The following MAP2K2 variants were observed in gnomAD, a reference collection of about 807,000 sequenced individuals.
MAP2K2 encodes dual specificity mitogen-activated protein kinase kinase 2.
In MAP2K2, 24 loss-of-function variants were observed where a neutral mutation model predicts 43.7. That is an observed-to-expected ratio of 0.55 (90% CI 0.40 to 0.77). The LOEUF is 0.77. MAP2K2 is among the 30% of genes least tolerant of loss of function. The pLI is 0.00. For synonymous variants in MAP2K2, 244 were observed against 239.7 expected, an observed-to-expected ratio of 1.02 and a Z score of -0.17; for missense variants, 470 against 566.8, an observed-to-expected ratio of 0.83 and a Z score of 1.73.
chr19:4,112,767 T>A (rs2041170890), intron 2 of MAP2K2, among the ~76,000 whole-genome samples: 1 of 152,148 alleles, frequency 6.6e-6, no homozygotes, highest in Non-Finnish European at 1.5e-5. Context: ...CACTCCCTCA[T>A]GGTGACCCCA....
intron 3 of MAP2K2, 96 bp from the exon 4 acceptor site, chr19:4,102,549 C>T (rs934040425): frequency 3.8e-6 from 4 of 1,050,710 alleles, no homozygotes; most frequent in Non-Finnish European, 5.7e-6. Context: ...TGGTCTGCCT[C>T]CTGACGGGAA....
At chr19:4,117,672 C>G (rs778907856) in intron 1 of MAP2K2, 43 bp from the exon 2 acceptor site, 1 of 1,579,726 alleles carries the variant, frequency 6.3e-7, no homozygotes, top group Non-Finnish European at 8.7e-7. Flanking sequence ...CCTAGGGAGA[C>G]TCCATCTGGC....
intron 3 of MAP2K2, 144 bp downstream of exon 3, chr19:4,110,365 G>C: frequency 1.1e-6 from 1 of 949,856 alleles, no homozygotes; most frequent in South Asian, 1.4e-5. Context: ...ATACTTGTAT[G>C]GCATCGACTG....
intron 2 of MAP2K2, among the ~76,000 whole-genome samples, chr19:4,116,550 T>G (rs2041223314): frequency 6.6e-6 from 1 of 151,550 alleles, no homozygotes; most frequent in African/African-American, 2.4e-5. Flanking sequence ...CAAGTATCAT[T>G]AAGGACAGGG....
At chr19:4,123,691 C>A (rs2041333365) in intron 1 of MAP2K2, 93 bp downstream of exon 1, 1 of 960,226 alleles carries the variant, frequency 1.0e-6, no homozygotes, top group Non-Finnish European at 1.5e-6. Flanking sequence ...GCCTCGTGCA[C>A]TCCTCGCGAA....
intron 1 of MAP2K2, among the ~76,000 whole-genome samples, chr19:4,117,838 GGACGCTGCCTT>G (rs1308489787): frequency 6.6e-6 from 1 of 152,180 alleles, no homozygotes; most frequent in Non-Finnish European, 1.5e-5. Context: ...CGGGAACTGA[GGACGCTGCCTT>G]GATCCTGTCT....
chr19:4,095,292 G>T, intron 9 of MAP2K2, 96 bp downstream of exon 9: 1 of 1,093,120 alleles, frequency 9.1e-7, no homozygotes, highest in Non-Finnish European at 1.3e-6. Context: ...CTGGGATTCT[G>T]GATGGGCAGG....
intron 1 of MAP2K2, 54 bp from the exon 2 acceptor site, chr19:4,117,683 C>T (rs905474474): frequency 9.0e-6 from 14 of 1,552,446 alleles, no homozygotes; most frequent in South Asian, 2.2e-5. Context: ...TCCATCTGGC[C>T]GTTTGCTATG....
chr19:4,109,005 A>G (rs2041123427), intron 3 of MAP2K2, among the ~76,000 whole-genome samples: 1 of 152,198 alleles, frequency 6.6e-6, no homozygotes. Flanking sequence ...AAGGGGCTCC[A>G]AGGCGGGTGC....
rs375624340 is a variant in MAP2K2, at chr19:4,100,876, G to A, written c.705+143C>T. ...CCTCGTGGGAGGCGGGGAGAGCTGC[G>A]CAGGAGAACTGGGAGGGACAGCTGC... On this transcript the variant is annotated intron_variant, in intron 6 of 10. Transcript: ENST00000262948. 1.9e-5 allele frequency: 18 copies of A among 953,442 alleles called. 1 individual carries two copies. The Middle Eastern group carries it at 9.6e-4, about 51-fold the overall frequency. 59.1% of individuals were successfully genotyped at this position (953,442 alleles called of 1,614,324 possible).
chr19:4,107,246 G>A (rs979319474), intron 3 of MAP2K2, among the ~76,000 whole-genome samples: 12 of 151,996 alleles, frequency 7.9e-5, no homozygotes, highest in Non-Finnish European at 1.6e-4. Context: ...AAAACTTGCC[G>A]GGCGCGGTGG....
chr19:4,095,018 T>A, intron 9 of MAP2K2: 1 of 356,982 alleles, frequency 2.8e-6, no homozygotes, highest in Non-Finnish European at 5.3e-6. Context: ...GGCAGGAGAA[T>A]GGAGTGGGGC....
At position 4,090,667 on chromosome 19, in the gene MAP2K2, A is replaced by G; in HGVS notation, c.1134T>C (p.Asp378=). 1 of 1,560,088 alleles carries G rather than the reference A, an allele frequency of 6.4e-7. No individual in the cohort carries two copies. Among genetic ancestry groups the G allele is most frequent in the Non-Finnish European group, 8.7e-7 (1 of 1,151,868 alleles). The change falls in exon 11 of 11, where the codon GAT becomes GAC. Residue 378 remains aspartate (D), a synonymous_variant. Coordinates refer to ENST00000262948, the MANE Select transcript of MAP2K2 (RefSeq NM_030662.4). ...FIKRSEVEEV[D]FAGWLCKTLR... Reference sequence around the variant, plus strand: ...GGGTTTTACACAACCAGCCGGCAAAATCCACTTCTTCCACCTCGGACCGCT... The same window carrying G: ...GGGTTTTACACAACCAGCCGGCAAAGTCCACTTCTTCCACCTCGGACCGCT...
chr19:4,117,574 G>C lies in MAP2K2; in HGVS notation c.148C>G (p.Gln50Glu), dbSNP rs2145080632. ...AGAAAGGCTTCCAGCCGCTTCTTCT[G>C]CTGCTCGTCAAGTTCCAGCTCCTCC... ...KLEELELDEQ[Q>E]KKRLEAFLTQ... The change falls in exon 2 of 11, where the codon CAG (glutamine) becomes GAG (glutamate). Residue 50 changes from glutamine (Q) to glutamate (E), a missense_variant. By Grantham distance (29) the Gln-to-Glu change is conservative. This residue lies in a region of MAP2K2 where 200 missense variants were observed against 297.9 expected (regional missense o/e 0.67). Transcript: ENST00000262948. 6.2e-7 allele frequency: 1 copy of C among 1,614,170 alleles called. No individual in the cohort carries two copies. The highest frequency in any genetic ancestry group is 2.2e-5 in the East Asian group (1 of 44,890).
intron 6 of MAP2K2, 41 bp from the exon 7 acceptor site, chr19:4,099,455 G>A (rs2040969564): frequency 6.6e-7 from 1 of 1,522,462 alleles, no homozygotes; most frequent in South Asian, 1.2e-5. Flanking sequence ...GAGGGGCGAG[G>A]ATGGCAGCTG....
chr19:4,106,477 C>T (rs1345265202), intron 3 of MAP2K2, among the ~76,000 whole-genome samples: 1 of 152,120 alleles, frequency 6.6e-6, no homozygotes, highest in African/African-American at 2.4e-5. Flanking sequence ...GGCATGATCT[C>T]GGCTCACTGC....
rs6630 is a variant in MAP2K2 at position 4,090,424 on chromosome 19, G to T, written c.*174C>A. 0.12 allele frequency: 76,340 copies of T among 656,426 alleles called. 7,487 individuals are homozygous for T. The highest frequency in any genetic ancestry group is 0.41 in the African/African-American group (23,154 of 56,424). The allele number at this position is 656,426 out of a possible 1,614,324, so 40.7% of individuals were successfully genotyped here. On this transcript the variant is annotated 3_prime_UTR_variant, in exon 11 of 11. Coordinates refer to ENST00000262948, the MANE Select transcript of MAP2K2 (RefSeq NM_030662.4). ...TCCCCAGAGGCACCCCGGCCAGGACGGGCAGGAGAGGAGACCCCCGTTCCT... is the reference window on the plus strand; with the variant it reads ...TCCCCAGAGGCACCCCGGCCAGGACTGGCAGGAGAGGAGACCCCCGTTCCT...
chr19:4,114,591 A>G (rs1363142153), intron 2 of MAP2K2, among the ~76,000 whole-genome samples: 1 of 152,230 alleles, frequency 6.6e-6, no homozygotes, highest in East Asian at 1.9e-4. Context: ...CGCTGCTCCA[A>G]TGGGAGAGGG....
rs868204950 is a variant in MAP2K2 at position 4,105,354 on chromosome 19, C to T, written c.451-2901G>A. ...CACCATCTCGGCTCACTGCAAGCTC[C>T]GCCTCCCGGGTTCACGCCATTCTCC... On this transcript the variant is annotated intron_variant, in intron 3 of 10. Coordinates refer to ENST00000262948, the MANE Select transcript of MAP2K2 (RefSeq NM_030662.4). 2.6e-5 allele frequency among the ~76,000 whole-genome samples: 4 copies of T among 151,802 alleles called. 1 individual carries two copies.
Sources: gnomAD v4.1 joint callset for allele counts (sites outside exome capture counted in the v4.1 genomes callset) on GRCh38, gnomAD v4.1.1 for gene constraint, gnomAD v4.1.1 regional missense constraint, MANE v1.5 for transcripts, NCBI Gene and HGNC (gene_info 2026-07-23, HGNC 2026-07-21) for gene names.